Variants in CEP162 observed in about 807,000 individuals in gnomAD.
CEP162 encodes the protein centrosomal protein 162, also known as centrosomal protein of 162 kDa.
In CEP162, 141 loss-of-function variants were observed where a neutral mutation model predicts 169.2. The observed-to-expected ratio is 0.83, with a 90% confidence interval of 0.73 to 0.96. CEP162 has a LOEUF of 0.96. CEP162 is among the 40% of genes least tolerant of loss of function. The pLI is 0.00. For missense variants in CEP162, 1,600 were observed against 1,587.2 expected (o/e 1.01, Z -0.14); for synonymous variants, 540 against 526.4 (o/e 1.03, Z -0.35).
intron 2 of CEP162, among the ~76,000 whole-genome samples, chr6:84,224,885 A>G (rs934346992): frequency 6.6e-6 from 1 of 152,228 alleles, no homozygotes; most frequent in African/African-American, 2.4e-5. Context: ...TTTAATTTTC[A>G]AAATGTGTCT....
At chr6:84,189,851 GGA>G (rs1588838248) in intron 11 of CEP162, among the ~76,000 whole-genome samples, 1 of 152,244 alleles carries the variant, frequency 6.6e-6, no homozygotes, top group East Asian at 1.9e-4. Context: ...GTGGGGATGT[GGA>G]GAGTCTTTAT....
chr6:84,204,827 G>C (rs1180878094), intron 6 of CEP162, among the ~76,000 whole-genome samples: 3 of 152,036 alleles, frequency 2.0e-5, no homozygotes, highest in Non-Finnish European at 4.4e-5. Context: ...TTGATAGACT[G>C]CTAGCAAGAC....
chr6:84,205,706 G>C (rs1295879097), intron 6 of CEP162, among the ~76,000 whole-genome samples: 2 of 152,104 alleles, frequency 1.3e-5, no homozygotes, highest in African/African-American at 4.8e-5. Context: ...CATAGTGTTG[G>C]AAGTTCTGGC....
At position 84,174,124 on chromosome 6, in the gene CEP162, G is replaced by A. The variant is rs1230927398; in HGVS notation, c.2090C>T (p.Pro697Leu). ...TTGCTTCAACTTTTCTCCAGTGACA[G>A]GATCAGCTGCTTCTCCAAAATGTAA... ...RWLHFGEAAD[P>L]VTGEKLKQIQ... The change falls in exon 16 of 27, where the codon CCT (proline) becomes CTT (leucine). Residue 697 changes from proline to leucine, a missense_variant. Physicochemically the swap from Pro to Leu is moderately conservative, Grantham distance 98. Coordinates refer to ENST00000403245, the MANE Select transcript of CEP162 (RefSeq NM_014895.4). The A allele has an allele frequency of 8.1e-6, 13 of 1,610,728 alleles. No homozygotes were observed. Among genetic ancestry groups the A allele is most frequent in the Non-Finnish European group, 1.1e-5 (13 of 1,177,912 alleles).
intron 8 of CEP162, among the ~76,000 whole-genome samples, 168 bp from the exon 9 acceptor site, chr6:84,201,073 T>G (rs1192346712): frequency 1.3e-5 from 2 of 152,114 alleles, no homozygotes; most frequent in Non-Finnish European, 2.9e-5. Context: ...GGTCAGGAGA[T>G]CGAGACCATC....
chr6:84,177,011 T>C (rs1347153500), intron 13 of CEP162, among the ~76,000 whole-genome samples: 24 of 152,182 alleles, frequency 1.6e-4, no homozygotes, highest in Non-Finnish European at 2.9e-5. Flanking sequence ...TTGACATAAA[T>C]GAATCATTAA....
rs150755799 is a variant in CEP162, at chr6:84,174,778, C to T, written c.1974G>A (p.Gln658=). 1.5e-5 allele frequency: 24 copies of T among 1,566,440 alleles called. No individual in the cohort carries two copies. In the African/African-American group the frequency reaches 3.1e-4, roughly 20 times the overall value. ...GATTCAATTTGAAGAGTTCTTTTTC[C>T]TGTTGTTTCTTTAGTTCTTCCAACT... ...ENKLEELKKQ[Q]EKELFKLNQD... The change falls in exon 15 of 27, where the codon CAG becomes CAA. Residue 658 remains glutamine (Q), a synonymous_variant. Transcript: ENST00000403245.
rs2099545732 is a variant in CEP162, at chr6:84,204,057, G to A, written c.611C>T (p.Ala204Val). 2.5e-6 allele frequency: 4 copies of A among 1,608,088 alleles called. No homozygotes were observed. The highest frequency in any genetic ancestry group is 1.3e-5 in the African/African-American group (1 of 74,682). Residue 204 changes from alanine (A) to valine (V), a missense_variant, in exon 7 of 27, where the codon GCA becomes GTA. Ala to Val is a moderately conservative substitution (Grantham distance 64). Transcript: ENST00000403245. The stretch of plus-strand genomic sequence containing the variant: ...CTCTTCATCTTTAGTAGTCAACGGT[G>A]CACCAACATACTCATCTTCAAAATC... Reference protein sequence around the residue: ...SDDFEDEYVGAPLTTKDEEMP... With the variant: ...SDDFEDEYVGVPLTTKDEEMP...
chr6:84,190,821 C>T lies in CEP162; in HGVS notation c.1109+2788G>A, dbSNP rs1229360254. Among the ~76,000 whole-genome samples, 3 of 152,202 alleles carry T rather than the reference C, an allele frequency of 2.0e-5. No individual in the cohort carries two copies. In the East Asian group the frequency reaches 5.8e-4, roughly 29 times the overall value. ...CCCACCAATTCCAGACACACTGGGA[C>T]TACAGGCATGCGCCACACGCCCAGC... On this transcript the variant is annotated intron_variant, in intron 11 of 26. Coordinates refer to ENST00000403245, the MANE Select transcript of CEP162 (RefSeq NM_014895.4).
chr6:84,143,519 A>G (rs569454379), intron 25 of CEP162, among the ~76,000 whole-genome samples: 2 of 151,990 alleles, frequency 1.3e-5, no homozygotes, highest in Non-Finnish European at 2.9e-5. Flanking sequence ...GTTTTCGTTA[A>G]GGGAAAAAAT....
At chr6:84,221,720 C>A (rs1161945903) in intron 2 of CEP162, among the ~76,000 whole-genome samples, 1 of 151,006 alleles carries the variant, frequency 6.6e-6, no homozygotes, top group Admixed American at 6.6e-5. Context: ...CTCAGTATCA[C>A]CCCCCACCAC....
intron 21 of CEP162, among the ~76,000 whole-genome samples, chr6:84,160,360 T>A (rs2129208401): frequency 6.6e-6 from 1 of 152,244 alleles, no homozygotes; most frequent in East Asian, 1.9e-4. Flanking sequence ...AAGAAAGAGC[T>A]CAAGATAATG....
intron 13 of CEP162, among the ~76,000 whole-genome samples, chr6:84,181,704 A>G (rs948212843): frequency 6.6e-6 from 1 of 152,196 alleles, no homozygotes; most frequent in African/African-American, 2.4e-5. Context: ...GCTAAGAGAC[A>G]AGTGAAGAGC....
chr6:84,185,436 G>A lies in CEP162; in HGVS notation c.1414C>T (p.Gln472Ter). The change falls in exon 13 of 27, where the codon CAA becomes TAA. Residue 472 changes from glutamine (Q) to a stop codon, truncating the protein, a stop_gained. Coordinates refer to ENST00000403245, the MANE Select transcript of CEP162 (RefSeq NM_014895.4). LOFTEE classifies it high-confidence loss of function. Reference protein sequence around the residue: ...DDKINKTYRSQLSSEEEGAVM... With the variant: ...DDKINKTYRS ...GCCCCTTCTTCTTCAGAACTAAGTT[G>A]AGATCTGTAAGTCTGTACACAACAA... 1.2e-6 allele frequency: 2 copies of A among 1,613,130 alleles called. No homozygotes were observed. The highest frequency in any genetic ancestry group is 2.2e-5 in the South Asian group (2 of 91,024).
intron 5 of CEP162, among the ~76,000 whole-genome samples, chr6:84,214,996 G>A (rs541680970): frequency 6.6e-6 from 1 of 152,174 alleles, no homozygotes; most frequent in South Asian, 2.1e-4. Flanking sequence ...TGTGGAAAAT[G>A]AATTAATAAA....
intron 25 of CEP162, among the ~76,000 whole-genome samples, chr6:84,145,684 T>C (rs1201683514): frequency 6.6e-6 from 1 of 152,130 alleles, no homozygotes; most frequent in African/African-American, 2.4e-5. Flanking sequence ...CACTAAAACA[T>C]TTAACTGCCC....
intron 25 of CEP162, among the ~76,000 whole-genome samples, chr6:84,132,319 T>C (rs2099511920): frequency 6.6e-6 from 1 of 152,196 alleles, no homozygotes; most frequent in South Asian, 2.1e-4. Context: ...TAATTATGTG[T>C]CTTGGAGTTG....
intron 2 of CEP162, 46 bp from the exon 3 acceptor site, chr6:84,221,217 C>A: frequency 3.3e-6 from 3 of 922,142 alleles, no homozygotes; most frequent in South Asian, 1.4e-5. Context: ...AGTGTAAATT[C>A]AAGAATCTCA....
At chr6:84,199,805 T>C (rs1049825529) in intron 9 of CEP162, among the ~76,000 whole-genome samples, 3 of 152,222 alleles carry the variant, frequency 2.0e-5, no homozygotes, top group Admixed American at 6.5e-5. Context: ...GATGGTGATA[T>C]GAGACCATAA....
Sources: allele counts gnomAD v4.1 joint callset (sites outside exome capture counted in the v4.1 genomes callset), GRCh38; gene constraint gnomAD v4.1.1; transcripts MANE v1.5; gene names NCBI Gene and HGNC (gene_info 2026-07-23, HGNC 2026-07-21).